UBA3: variants seen among roughly 807,000 people sequenced by gnomAD.
UBA3 encodes ubiquitin like modifier activating enzyme 3, also known as NEDD8-activating enzyme E1 catalytic subunit.
UBA3 carries 26 observed loss-of-function variants against 73.5 expected under a neutral mutation model. That is an observed-to-expected ratio of 0.35 (90% CI 0.26 to 0.49). The LOEUF is 0.49. Ranked by LOEUF, UBA3 falls within the 20% of genes least tolerant of loss-of-function variation. The probability of loss-of-function intolerance (pLI) is 0.98; values close to 1 mark genes in which losing one functional copy is unlikely to be tolerated. For synonymous variants in UBA3, 217 were observed against 191.2 expected (o/e 1.13, Z -1.11); for missense variants, 495 against 555.6 (o/e 0.89, Z 1.10).
chr3:69,055,613 G>A (rs1381381575), intron 17 of UBA3, 88 bp from the exon 18 acceptor site: 8 of 1,033,414 alleles, frequency 7.7e-6, no homozygotes, highest in Middle Eastern at 2.9e-4. Flanking sequence ...GAGTATTACG[G>A]TCTAGAAAAA....
chr3:69,074,336 A>G (rs2092146520), intron 4 of UBA3, among the ~76,000 whole-genome samples: 1 of 152,200 alleles, frequency 6.6e-6, no homozygotes, highest in African/African-American at 2.4e-5. Flanking sequence ...ATTCCACCAC[A>G]GAGTATATCA....
chr3:69,057,093 T>C (rs542181810), intron 12 of UBA3, among the ~76,000 whole-genome samples, 163 bp downstream of exon 12: 1 of 152,314 alleles, frequency 6.6e-6, no homozygotes, highest in East Asian at 1.9e-4. Context: ...AGACATAATG[T>C]AAGACAAAAA....
chr3:69,056,889 A>T, intron 12 of UBA3, 74 bp from the exon 13 acceptor site: 1 of 1,484,392 alleles, frequency 6.7e-7, no homozygotes, highest in Non-Finnish European at 9.2e-7. Flanking sequence ...TATAAATCAG[A>T]ACAGATAAAT....
Position 69,068,002 on chromosome 3 carries a change from T to C in UBA3, c.354A>G (p.Lys118=). The C allele has an allele frequency of 1.9e-6, 3 of 1,576,620 alleles. No individual in the cohort carries two copies. The highest frequency in any genetic ancestry group is 2.6e-6 in the Non-Finnish European group (3 of 1,160,560). Residue 118 remains lysine (K), a synonymous_variant, in exon 6 of 18, where the codon AAA becomes AAG. Transcript: ENST00000361055. ...NLNRQFLFRP[K]DIGRPKAEVA... The stretch of plus-strand genomic sequence containing the variant: ...CTTCAGCCTTAGGTCTTCCAATATC[T>C]TTAGGCCTACAGGAAAAATATTTAA...
intron 5 of UBA3, 115 bp from the exon 6 acceptor site, chr3:69,068,123 G>A: frequency 5.7e-6 from 4 of 701,598 alleles, no homozygotes; most frequent in South Asian, 3.1e-5. Flanking sequence ...AAATTTAGAA[G>A]GAATATTTTT....
Position 69,080,099 on chromosome 3 carries a change from C to T in UBA3, c.62+13G>A. 3 of 1,608,074 alleles carry T rather than the reference C, an allele frequency of 1.9e-6. No individual in the cohort carries two copies. Among genetic ancestry groups the T allele is most frequent in the South Asian group, 1.1e-5 (1 of 90,890 alleles). ...GTCCCCGGAGAGGGCCCCGGCCTCC[C>T]GGCAGCACTAACTTCTCAGCCAGCA... On this transcript the variant is annotated intron_variant, in intron 2 of 17. Coordinates refer to ENST00000361055, the MANE Select transcript of UBA3 (RefSeq NM_003968.4).
Position 69,056,108 on chromosome 3 carries a change from A to G in UBA3, c.1185-45T>C, listed in dbSNP as rs1436949375. On this transcript the variant is annotated intron_variant, in intron 15 of 17. Coordinates refer to ENST00000361055, the MANE Select transcript of UBA3 (RefSeq NM_003968.4). ...AGAAGTATCAAACATAATTTTTATC[A>G]AAAGATAATTTTTTTAAGGTTTCAA... 3 of 1,562,570 alleles carry G rather than the reference A, an allele frequency of 1.9e-6. No homozygotes were observed. In the Admixed American group the frequency reaches 6.5e-5, roughly 34 times the overall value.
intron 6 of UBA3, among the ~76,000 whole-genome samples, chr3:69,067,142 T>C (rs746796159): frequency 2.0e-5 from 3 of 152,214 alleles, no homozygotes; most frequent in Non-Finnish European, 4.4e-5. Flanking sequence ...GGTATATATG[T>C]ATACAAATTT....
intron 11 of UBA3, 122 bp from the exon 12 acceptor site, chr3:69,057,431 G>A (rs1174060256): frequency 9.6e-6 from 8 of 834,308 alleles, no homozygotes; most frequent in Non-Finnish European, 1.5e-5. Flanking sequence ...TTTCAAGCCA[G>A]AAAATAAATT....
intron 4 of UBA3, among the ~76,000 whole-genome samples, chr3:69,073,865 G>C (rs777727035): frequency 4.8e-5 from 7 of 144,904 alleles, no homozygotes; most frequent in Non-Finnish European, 9.5e-5. Flanking sequence ...GGATAGTCTC[G>C]ATCTCCTGAC....
At chr3:69,056,464 G>A in intron 14 of UBA3, 148 bp downstream of exon 14, 4 of 856,936 alleles carry the variant, frequency 4.7e-6, no homozygotes, top group Non-Finnish European at 7.0e-6. Context: ...TCGCTATAGA[G>A]TTATTTCAGG....
chr3:69,066,758 T>TA (rs1431750120), intron 6 of UBA3, among the ~76,000 whole-genome samples: 1 of 152,196 alleles, frequency 6.6e-6, no homozygotes, highest in East Asian at 1.9e-4. Context: ...TTTACACCTA[T>TA]AATCCATTTT....
chr3:69,080,285 T>A, intron 1 of UBA3, 49 bp downstream of exon 1: 1 of 1,600,260 alleles, frequency 6.2e-7, no homozygotes, highest in Middle Eastern at 2.2e-4. Flanking sequence ...CGCCGCGCTC[T>A]CTCACAACCC....
chr3:69,056,267 CA>C lies in UBA3; in HGVS notation c.1099del (p.Cys367ValfsTer23). 6.3e-7 allele frequency: 1 copy of C among 1,599,854 alleles called. No individual in the cohort carries two copies. The highest frequency in any genetic ancestry group is 8.5e-7 in the Non-Finnish European group (1 of 1,176,128). ...EAERKENCPA[C>X]SQLPQNIQFS... is the part of the protein sequence containing the mutation. ...CTGAATATTTTGAGGAAGCTGGCTA[CA>C]AGCTGGGCAGTTTTCCTACACACAT... is the stretch of plus-strand genomic sequence containing the variant. On this transcript the variant is annotated frameshift_variant, in exon 15 of 18. Transcript: ENST00000361055. LOFTEE classifies it high-confidence loss of function.
At chr3:69,059,301 T>C (rs2092002381) in intron 11 of UBA3, among the ~76,000 whole-genome samples, 1 of 152,146 alleles carries the variant, frequency 6.6e-6, no homozygotes, top group African/African-American at 2.4e-5. Context: ...GATCCAGCCA[T>C]GCAATTACCT....
Position 69,063,111 on chromosome 3 carries a change from A to C in UBA3, c.564T>G (p.Gly188=), listed in dbSNP as rs759881054. ...GGACAATGGAGCTTGGATCTAAGAC[A>C]CCATCTTCATAATTTAGAAGAGATA... ...MLISLLNYED[G]VLDPSSIVPL... Residue 188 remains glycine (G), a synonymous_variant, in exon 9 of 18, where the codon GGT becomes GGG. Coordinates refer to ENST00000361055, the MANE Select transcript of UBA3 (RefSeq NM_003968.4). The C allele has an allele frequency of 4.3e-6, 7 of 1,613,988 alleles. No homozygotes were observed. In the Admixed American group the frequency reaches 1.2e-4, roughly 27 times the overall value.
At chr3:69,061,672 A>G (rs535337019) in intron 11 of UBA3, 142 bp downstream of exon 11, 111 of 520,024 alleles carry the variant, frequency 2.1e-4, no homozygotes, top group Non-Finnish European at 3.5e-4. Context: ...CCCCTAGCTA[A>G]TAAGTAGTAT....
In UBA3 at chr3:69,063,470, A is replaced by G. The variant is rs1003788740; in HGVS notation, c.506T>C (p.Ile169Thr). ...GCCATTTATCCATCTTCTGGCGATGATAGAGTCCAGTCCACATACAATAAT... is the reference window on the plus strand; with the variant it reads ...GCCATTTATCCATCTTCTGGCGATGGTAGAGTCCAGTCCACATACAATAAT... ...FHIIVCGLDSIIARRWINGML... is the reference protein window; with the variant it reads ...FHIIVCGLDSTIARRWINGML... Residue 169 changes from isoleucine to threonine, a missense_variant, in exon 8 of 18, where the codon ATC becomes ACC. Ile to Thr is a moderately conservative substitution (Grantham distance 89). Coordinates refer to ENST00000361055, the MANE Select transcript of UBA3 (RefSeq NM_003968.4). 1.3e-6 allele frequency: 2 copies of G among 1,586,078 alleles called. No homozygotes were observed. Among genetic ancestry groups the G allele is most frequent in the Non-Finnish European group, 8.6e-7 (1 of 1,166,688 alleles).
intron 10 of UBA3, 44 bp downstream of exon 10, chr3:69,062,033 T>C (rs1319032772): frequency 1.4e-6 from 2 of 1,455,500 alleles, no homozygotes; most frequent in Non-Finnish European, 1.9e-6. Flanking sequence ...ATAGAAAAAA[T>C]ATGTATTTTA....
Sources: gnomAD v4.1 joint callset for allele counts (sites outside exome capture counted in the v4.1 genomes callset) on GRCh38, gnomAD v4.1.1 for gene constraint, MANE v1.5 for transcripts, NCBI Gene and HGNC (gene_info 2026-07-23, HGNC 2026-07-21) for gene names.